EMC8: variants seen among roughly 807,000 people sequenced by gnomAD.
The protein encoded by EMC8 is COX4 neighbor.
A neutral mutation model predicts 24.3 loss-of-function variants in EMC8; 11 were observed. The ratio of observed to expected loss-of-function variants is 0.45; its 90% confidence interval spans 0.28 to 0.75. The LOEUF (loss-of-function observed/expected upper bound fraction) is 0.75. Ranked by LOEUF, EMC8 falls within the 30% of genes least tolerant of loss-of-function variation. EMC8 has a pLI of 0.12. For missense variants in EMC8, 277 were observed against 282.7 expected (o/e 0.98, Z 0.14); for synonymous variants, 145 against 117.7 (o/e 1.23, Z -1.50).
intron 1 of EMC8, among the ~76,000 whole-genome samples, chr16:85,790,564 C>T (rs1263297086): frequency 2.0e-5 from 3 of 152,206 alleles, no homozygotes; most frequent in African/African-American, 7.2e-5. Context: ...GAACAAACAT[C>T]TCTATACACT....
Position 85,799,464 on chromosome 16 carries a change from T to C in EMC8, c.-169A>G, listed in dbSNP as rs993003745. 4 of 399,320 alleles carry C rather than the reference T, an allele frequency of 1.0e-5. No homozygotes were observed. The highest frequency in any genetic ancestry group is 1.7e-5 in the Non-Finnish European group (4 of 230,008). The allele number at this position is 399,320 out of a possible 1,614,324, so 24.7% of individuals were successfully genotyped here. ...GGCCCGGCCCCGTTTGGGCCTCGGC[T>C]CCTGGAAAAGCGACTCGCGCCTCTG... On this transcript the variant is annotated 5_prime_UTR_variant, in exon 1 of 5. Coordinates refer to ENST00000253457, the MANE Select transcript of EMC8 (RefSeq NM_006067.5). This position sits in a 1 kb window ranked among gnomAD's most constrained non-coding sequence, Gnocchi z 4.2.
intron 2 of EMC8, among the ~76,000 whole-genome samples, chr16:85,783,329 G>A (rs1252565142): frequency 1.3e-5 from 2 of 151,914 alleles, no homozygotes; most frequent in South Asian, 2.1e-4. Context: ...GTCTCGCTTC[G>A]TTGCCCAGGC....
intron 2 of EMC8, among the ~76,000 whole-genome samples, chr16:85,786,194 A>T (rs552560050): frequency 6.6e-6 from 1 of 152,358 alleles, no homozygotes; most frequent in East Asian, 1.9e-4. Context: ...AGGGCCACAG[A>T]GGCCCAAGGA....
At position 85,792,605 on chromosome 16, in the gene EMC8, C is replaced by T. The variant is rs1008757796; in HGVS notation, c.232-3555G>A. Reference sequence around the variant, plus strand: ...GGAACTAGGCATCAGGTGAGAGTGCCCTGGAGTGGAGTGGGCTGGGGGAAG... The same window carrying T: ...GGAACTAGGCATCAGGTGAGAGTGCTCTGGAGTGGAGTGGGCTGGGGGAAG... On this transcript the variant is annotated intron_variant, in intron 1 of 4. Transcript: ENST00000253457. The T allele has an allele frequency of 2.0e-5, 3 of 152,366 alleles. No homozygotes were observed. In the East Asian group the frequency reaches 5.8e-4, roughly 29 times the overall value. The allele number at this position is 152,366 out of a possible 1,614,324, so 9.4% of individuals were successfully genotyped here.
At chr16:85,780,089 G>C in intron 4 of EMC8, 2 of 601,468 alleles carry the variant, frequency 3.3e-6, no homozygotes, top group South Asian at 4.1e-5. Flanking sequence ...TGAGAAAGTT[G>C]GAGGCAGATG....
In EMC8 at chr16:85,789,176, A is replaced by G. The variant is rs878859883; in HGVS notation, c.232-126T>C. ...GACAGAATCTTAATCCTCATACCCT[A>G]CACCCCAGAAGAAAGGGTAGGACTC... On this transcript the variant is annotated intron_variant, in intron 1 of 4. Coordinates refer to ENST00000253457, the MANE Select transcript of EMC8 (RefSeq NM_006067.5). 1.7e-5 allele frequency: 12 copies of G among 709,032 alleles called. No homozygotes were observed. In the South Asian group the frequency reaches 1.9e-4, roughly 11 times the overall value. 43.9% of individuals were successfully genotyped at this position (709,032 alleles called of 1,614,324 possible).
At position 85,779,469 on chromosome 16, in the gene EMC8, A is replaced by G. The variant is rs8060564; in HGVS notation, c.*239T>C. ...AAAGAGCTTTGATTTGGAGGATTAT[A>G]GCAACATACAACTGAGAGAGTCCAC... On this transcript the variant is annotated 3_prime_UTR_variant, in exon 5 of 5. Coordinates refer to ENST00000253457, the MANE Select transcript of EMC8 (RefSeq NM_006067.5). 6,915 of 430,134 alleles carry G rather than the reference A, an allele frequency of 0.016. 389 individuals are homozygous for G. Among genetic ancestry groups the G allele is most frequent in the African/African-American group, 0.13 (6,394 of 50,704 alleles). The allele number at this position is 430,134 out of a possible 1,614,324, so 26.6% of individuals were successfully genotyped here. A position where few individuals can be genotyped will look rare whatever the true frequency, so the allele number is the denominator to read the frequency against.
chr16:85,784,059 C>T (rs185506458), intron 2 of EMC8, among the ~76,000 whole-genome samples: 1 of 152,178 alleles, frequency 6.6e-6, no homozygotes, highest in African/African-American at 2.4e-5. Context: ...AGTGCAGTGG[C>T]GCGATCTCGG....
Position 85,780,909 on chromosome 16 carries a change from C to T in EMC8, c.378+302G>A, listed in dbSNP as rs562400200. 66 of 481,478 alleles carry T rather than the reference C, an allele frequency of 1.4e-4. 2 individuals carry two copies. Among genetic ancestry groups the T allele is most frequent in the South Asian group, 1.3e-3 (55 of 42,564 alleles). 29.8% of individuals were successfully genotyped at this position (481,478 alleles called of 1,614,324 possible). A position where few individuals can be genotyped will look rare whatever the true frequency, so the allele number is the denominator to read the frequency against. ...TTAACATGGACTGCTGGGCTAAACCCCCGCATTTCTGATTCAGTGGGGTCT... is the reference window on the plus strand; with the variant it reads ...TTAACATGGACTGCTGGGCTAAACCTCCGCATTTCTGATTCAGTGGGGTCT... On this transcript the variant is annotated intron_variant, in intron 3 of 4. Coordinates refer to ENST00000253457, the MANE Select transcript of EMC8 (RefSeq NM_006067.5).
intron 1 of EMC8, 180 bp downstream of exon 1, chr16:85,798,885 G>A: frequency 1.9e-6 from 1 of 539,556 alleles, no homozygotes. Context: ...ACTACGGGAC[G>A]CTATTTATTC....
At chr16:85,797,866 C>T (rs1905308641) in intron 1 of EMC8, among the ~76,000 whole-genome samples, 1 of 152,194 alleles carries the variant, frequency 6.6e-6, no homozygotes, top group South Asian at 2.1e-4. Flanking sequence ...CTCAGGTATG[C>T]AGGTCTGAAG....
At chr16:85,798,741 G>T in intron 1 of EMC8, 1 of 317,596 alleles carries the variant, frequency 3.1e-6, no homozygotes, top group Non-Finnish European at 5.8e-6. Context: ...AAATCCTCAA[G>T]GGAAACTCTG....
intron 1 of EMC8, among the ~76,000 whole-genome samples, chr16:85,791,923 G>T (rs9931892): frequency 0.6 from 90,545 of 152,108 alleles, 30,848 homozygotes; most frequent in Non-Finnish European, 0.77. Flanking sequence ...GCTACATAAG[G>T]CCTGGGGATT....
At chr16:85,785,587 C>CA (rs892615757) in intron 2 of EMC8, among the ~76,000 whole-genome samples, 136 of 146,894 alleles carry the variant, frequency 9.3e-4, no homozygotes, top group African/African-American at 3.0e-3. Flanking sequence ...ACCGCCCCGC[C>CA]AAAAAAAAAA....
Position 85,779,162 on chromosome 16 carries a change from T to C in EMC8, c.*546A>G, listed in dbSNP as rs1295778528. 3 of 153,806 alleles carry C rather than the reference T, an allele frequency of 2.0e-5. No individual in the cohort carries two copies. Among genetic ancestry groups the C allele is most frequent in the African/African-American group, 7.2e-5 (3 of 41,440 alleles). 9.5% of individuals were successfully genotyped at this position (153,806 alleles called of 1,614,324 possible). A position where few individuals can be genotyped will look rare whatever the true frequency, so the allele number is the denominator to read the frequency against. On this transcript the variant is annotated 3_prime_UTR_variant, in exon 5 of 5. Transcript: ENST00000253457. ...TGTGAGCCGACACCATGTGGAGCAG[T>C]GCTGTTCACAGCCCAGCCTACCTGA...
intron 4 of EMC8, 100 bp from the exon 5 acceptor site, chr16:85,779,967 C>A: frequency 1.1e-6 from 1 of 941,786 alleles, no homozygotes. Context: ...GTGGTATGAA[C>A]AGAGATGGTG....
At chr16:85,783,530 C>T (rs1437111506) in intron 2 of EMC8, among the ~76,000 whole-genome samples, 3 of 152,192 alleles carry the variant, frequency 2.0e-5, no homozygotes, top group East Asian at 1.9e-4. Context: ...ACTTCCATCA[C>T]GTCCCCTGGT....
intron 1 of EMC8, among the ~76,000 whole-genome samples, chr16:85,794,938 GT>G (rs1905187568): frequency 6.6e-6 from 1 of 152,184 alleles, no homozygotes; most frequent in Admixed American, 6.5e-5. Context: ...GGCAGTCACT[GT>G]CCCCTCTGGG....
At chr16:85,787,645 A>C (rs1904814639) in intron 2 of EMC8, 1 of 152,212 alleles carries the variant, frequency 6.6e-6, no homozygotes, top group African/African-American at 2.4e-5. Flanking sequence ...AGATGCGCTG[A>C]AGGCGGAGAG....
Sources: gnomAD v4.1 joint callset for allele counts (sites outside exome capture counted in the v4.1 genomes callset) on GRCh38, gnomAD v4.1.1 for gene constraint, Gnocchi (gnomAD v3.1) non-coding constraint, MANE v1.5 for transcripts, NCBI Gene and HGNC (gene_info 2026-07-23, HGNC 2026-07-21) for gene names.